The following REPS2 variants were observed in gnomAD, a reference collection of about 807,000 sequenced individuals.
The protein encoded by REPS2 is ralBP1-associated Eps domain-containing protein 2.
REPS2 carries 23 observed loss-of-function variants against 53.6 expected under a neutral mutation model. The ratio of observed to expected loss-of-function variants is 0.43; its 90% CI spans 0.31 to 0.61. REPS2 has a LOEUF of 0.61. Among genes scored for constraint, REPS2 ranks in the 20% least tolerant of loss-of-function variants. The probability of loss-of-function intolerance (pLI) is 0.11; values close to 1 mark genes in which losing one functional copy is unlikely to be tolerated. For missense variants in REPS2, 446 were observed against 534.9 expected (o/e 0.83, Z 1.64); for synonymous variants, 238 against 218.6 (o/e 1.09, Z -0.78).
intron 6 of REPS2, among the ~76,000 whole-genome samples, chrX:17,050,144 T>TCCTTTCTC (rs1569148239): frequency 5.6e-5 from 2 of 35,530 alleles, no homozygotes; most frequent in Non-Finnish European, 8.8e-5. Flanking sequence ...CTTTCTTCCT[T>TCCTTTCTC]TCTTTCTTTC....
intron 13 of REPS2, among the ~76,000 whole-genome samples, chrX:17,091,324 A>T (rs889052379): frequency 2.7e-5 from 3 of 111,620 alleles, no homozygotes; most frequent in African/African-American, 9.8e-5. Context: ...TGTCATGTTT[A>T]TTCCCTGAAT....
chrX:17,166,248 GGTTTGTGTTGTC>G, the REPS2 span, among the ~76,000 whole-genome samples: 1 of 110,782 alleles, frequency 9.0e-6, no homozygotes, highest in East Asian at 2.8e-4. Context: ...GGTACCAGAG[GGTTTGTGTTGTC>G]AGTTAAGCCC....
intron 11 of REPS2, among the ~76,000 whole-genome samples, chrX:17,070,712 A>G (rs1347060464): frequency 8.9e-6 from 1 of 112,274 alleles, no homozygotes; most frequent in African/African-American, 3.2e-5. Flanking sequence ...TTAATAAGTC[A>G]ATCATGTTTG....
At chrX:17,122,081 A>G (rs1157916263) in intron 14 of REPS2, among the ~76,000 whole-genome samples, 1 of 111,220 alleles carries the variant, frequency 9.0e-6, no homozygotes, top group Non-Finnish European at 1.9e-5. Context: ...ATAATTGCAT[A>G]TAGAAAAGCA....
At chrX:17,141,199 A>G (rs1381571340) in intron 17 of REPS2, among the ~76,000 whole-genome samples, 1 of 112,169 alleles carries the variant, frequency 8.9e-6, no homozygotes, top group Non-Finnish European at 1.9e-5. Context: ...TTCCTAGTCA[A>G]TTCCTGCCCT....
At position 17,062,508 on chromosome X, in the gene REPS2, A is replaced by G. The variant is rs2062171895; in HGVS notation, c.1185A>G (p.Gln395=). 8.3e-7 allele frequency: 1 copy of G among 1,202,796 alleles called. No individual in the cohort carries two copies. Among genetic ancestry groups the G allele is most frequent in the Non-Finnish European group, 1.1e-6 (1 of 889,515 alleles). ...CTGAGTCACTGCCGGCAAATCAACA[A>G]CCTCGTGACTTGAATCGGATGGAGG... ...SYSESLPANQ[Q]PRDLNRMEKT... The change falls in exon 9 of 18, where the codon CAA becomes CAG. Residue 395 remains glutamine, a synonymous_variant. Coordinates refer to ENST00000357277, the MANE Select transcript of REPS2 (RefSeq NM_004726.3).
chrX:17,013,266 G>C lies in REPS2; in HGVS notation c.397+6922G>C, dbSNP rs191065635. 2.3e-3 allele frequency among the ~76,000 whole-genome samples: 256 copies of C among 112,095 alleles called. 2 individuals carry two copies. The highest frequency in any genetic ancestry group is 7.4e-3 in the Admixed American group (78 of 10,584). On this transcript the variant is annotated intron_variant, in intron 2 of 17. Transcript: ENST00000357277. ...ACTGAGAAAGCCTTCTGTAAAATAA[G>C]GATCAAGACTTAGGAACTCTAATCC... is the stretch of plus-strand genomic sequence containing the variant.
chrX:17,006,413 T>C, intron 2 of REPS2, 69 bp downstream of exon 2: 1 of 1,056,523 alleles, frequency 9.5e-7, no homozygotes, highest in East Asian at 3.2e-5. Flanking sequence ...CCATTTTTAA[T>C]GAGTTTAAAC....
chrX:17,004,436 A>G (rs1374749583), intron 1 of REPS2, among the ~76,000 whole-genome samples: 1 of 102,385 alleles, frequency 9.8e-6, no homozygotes, highest in Non-Finnish European at 2.0e-5. Flanking sequence ...TTTTTGATTC[A>G]GAAGTCCATG....
chrX:16,961,802 A>G (rs1242714762), intron 1 of REPS2, among the ~76,000 whole-genome samples: 1 of 112,244 alleles, frequency 8.9e-6, no homozygotes, highest in African/African-American at 3.2e-5. Context: ...TGGTAAGAAA[A>G]TGAATAACCC....
At chrX:16,970,715 C>CT (rs1439223127) in intron 1 of REPS2, among the ~76,000 whole-genome samples, 5 of 112,515 alleles carry the variant, frequency 4.4e-5, no homozygotes, top group Non-Finnish European at 7.5e-5. Context: ...CATGGATCTA[C>CT]TTTTTGTCTA....
At chrX:16,966,002 C>G (rs902153171) in intron 1 of REPS2, among the ~76,000 whole-genome samples, 1 of 112,420 alleles carries the variant, frequency 8.9e-6, no homozygotes, top group Non-Finnish European at 1.9e-5. Context: ...TGCAGGCACT[C>G]GGCAAGCTGA....
intron 9 of REPS2, 138 bp downstream of exon 9, chrX:17,062,670 G>T (rs1452340922): frequency 2.4e-5 from 10 of 420,744 alleles, no homozygotes; most frequent in African/African-American, 5.2e-5. Context: ...TTTCATACTT[G>T]GTAATTATTA....
chrX:17,108,236 C>T (rs112501899), intron 14 of REPS2, among the ~76,000 whole-genome samples: 2,045 of 107,251 alleles, frequency 0.019, 31 homozygotes, highest in African/African-American at 0.048. Flanking sequence ...TGCAATGGCG[C>T]GATCTTGGCT....
the REPS2 span, among the ~76,000 whole-genome samples, chrX:17,171,522 T>C: frequency 9.0e-6 from 1 of 111,599 alleles, no homozygotes; most frequent in Middle Eastern, 4.6e-3. Context: ...ATATATGCCA[T>C]AATTATAATT....
intron 1 of REPS2, among the ~76,000 whole-genome samples, chrX:16,990,296 A>T (rs2061145944): frequency 9.0e-6 from 1 of 111,423 alleles, no homozygotes; most frequent in African/African-American, 3.3e-5. Flanking sequence ...AAGGGTTGGG[A>T]GTAAAATGGA....
At chrX:17,108,548 T>C (rs1169876160) in intron 14 of REPS2, among the ~76,000 whole-genome samples, 6 of 111,541 alleles carry the variant, frequency 5.4e-5, no homozygotes, top group Non-Finnish European at 1.1e-4. Context: ...CTTTTAATAG[T>C]GTTGATCTCA....
chrX:17,181,451 A>T, the REPS2 span, among the ~76,000 whole-genome samples: 13 of 112,028 alleles, frequency 1.2e-4, no homozygotes, highest in African/African-American at 3.6e-4. Context: ...CTACTACAGG[A>T]CCCTTCCACT....
In REPS2 at chrX:17,101,075, A is replaced by G. The variant is rs1213833525; in HGVS notation, c.1517-2643A>G. On this transcript the variant is annotated intron_variant, in intron 13 of 17. Coordinates refer to ENST00000357277, the MANE Select transcript of REPS2 (RefSeq NM_004726.3). ...TTCTTTCTTTTTTTTTTTTTTTGAG[A>G]TGGAGTCTGGCTCTGTCACCCAGGC... Among the ~76,000 whole-genome samples, 5 of 86,410 alleles carry G rather than the reference A, an allele frequency of 5.8e-5. No individual in the cohort carries two copies. In the South Asian group the frequency reaches 3.1e-3, roughly 53 times the overall value. The allele number at this position is 86,410 out of a possible 115,157, so 75.0% of individuals were successfully genotyped here.
Sources: gnomAD v4.1 joint callset for allele counts (sites outside exome capture counted in the v4.1 genomes callset) on GRCh38, gnomAD v4.1.1 for gene constraint, MANE v1.5 for transcripts, NCBI Gene and HGNC (gene_info 2026-07-23, HGNC 2026-07-21) for gene names.